The following NUP210L variants were observed in gnomAD, a reference collection of about 807,000 sequenced individuals.
NUP210L encodes nuclear pore membrane glycoprotein 210-like.
A neutral mutation model predicts 208.5 loss-of-function variants in NUP210L; 74 were observed. The observed-to-expected ratio is 0.35, with a 90% CI of 0.29 to 0.43. The LOEUF (loss-of-function observed/expected upper bound fraction) is 0.43. NUP210L is among the 20% of genes least tolerant of loss of function. NUP210L has a pLI of 1.00. For synonymous variants in NUP210L, 780 were observed against 816.9 expected, an observed-to-expected ratio of 0.95 and a Z score of 0.77; for missense variants, 1,843 against 2,289.4, an observed-to-expected ratio of 0.81 and a Z score of 3.98.
intron 15 of NUP210L, among the ~76,000 whole-genome samples, chr1:154,092,796 C>T (rs372733668): frequency 2.6e-5 from 4 of 151,966 alleles, no homozygotes; most frequent in African/African-American, 9.7e-5. Flanking sequence ...TAGATCATAG[C>T]CCACTGTAAC....
In NUP210L at chr1:154,030,059, A is replaced by AC; in HGVS notation, c.3697-6dup. On this transcript the variant is annotated splice_polypyrimidine_tract_variant and splice_region_variant and intron_variant, in intron 27 of 39. Transcript: ENST00000368559. Reference sequence around the variant, plus strand: ...TACTGGGAGCTGTAGAAAAACCTAGACAGTGAAGGGATAGATTAAGAAATA... The same window carrying AC: ...TACTGGGAGCTGTAGAAAAACCTAGACCAGTGAAGGGATAGATTAAGAAATA... 6.4e-7 allele frequency: 1 copy of AC among 1,567,082 alleles called. No individual in the cohort carries two copies. The highest frequency in any genetic ancestry group is 8.6e-7 in the Non-Finnish European group (1 of 1,164,124).
intron 37 of NUP210L, among the ~76,000 whole-genome samples, chr1:153,999,734 C>CAAA (rs1172554188): frequency 8.4e-4 from 46 of 54,534 alleles, no homozygotes; most frequent in East Asian, 4.8e-3. Flanking sequence ...AAGACTCTCT[C>CAAA]AAAAAAAAAA....
chr1:154,107,889 T>C (rs1242749403), intron 12 of NUP210L, among the ~76,000 whole-genome samples: 1 of 151,138 alleles, frequency 6.6e-6, no homozygotes, highest in African/African-American at 2.4e-5. Flanking sequence ...AGAAAGAAAA[T>C]ACAGTTAGCG....
At chr1:154,135,101 T>C (rs560691211) in intron 7 of NUP210L, among the ~76,000 whole-genome samples, 5 of 152,248 alleles carry the variant, frequency 3.3e-5, no homozygotes, top group Non-Finnish European at 7.3e-5. Flanking sequence ...AAAATTGCTC[T>C]CAACACAATA....
intron 5 of NUP210L, among the ~76,000 whole-genome samples, chr1:154,139,312 G>A (rs1301782087): frequency 6.6e-6 from 1 of 152,098 alleles, no homozygotes; most frequent in Non-Finnish European, 1.5e-5. Flanking sequence ...AAGGATTGGT[G>A]AATAAAATGT....
chr1:153,997,150 G>A (rs1180941162), intron 37 of NUP210L, among the ~76,000 whole-genome samples: 1 of 151,796 alleles, frequency 6.6e-6, no homozygotes, highest in African/African-American at 2.4e-5. Flanking sequence ...TTTTAGTAGA[G>A]ATGGGTTTTC....
At chr1:154,137,268 A>G (rs535661106) in intron 6 of NUP210L, among the ~76,000 whole-genome samples, 1 of 152,080 alleles carries the variant, frequency 6.6e-6, no homozygotes, top group African/African-American at 2.4e-5. Context: ...AACAAAAAAA[A>G]GAGGCCGGGA....
intron 2 of NUP210L, 45 bp downstream of exon 2, chr1:154,152,691 C>A: frequency 6.4e-7 from 1 of 1,558,934 alleles, no homozygotes; most frequent in Non-Finnish European, 8.8e-7. Context: ...CCAGATTATT[C>A]TACCCCAGAA....
intron 39 of NUP210L, 36 bp downstream of exon 39, chr1:153,992,979 T>G: frequency 1.9e-6 from 3 of 1,609,328 alleles, no homozygotes; most frequent in Non-Finnish European, 2.5e-6. Flanking sequence ...CGTGTGTATC[T>G]GAGCTTTTCA....
At chr1:154,127,553 CTTTTTTT>C in intron 8 of NUP210L, 136 bp from the exon 9 acceptor site, 54 of 184,252 alleles carry the variant, frequency 2.9e-4, no homozygotes, top group East Asian at 4.3e-4. Flanking sequence ...AAAGTAGGTT[CTTTTTTT>C]TTTTTTTTTT....
chr1:154,136,033 T>TATTCCTG, intron 6 of NUP210L, 61 bp from the exon 7 acceptor site: 1 of 1,125,392 alleles, frequency 8.9e-7, no homozygotes, highest in Non-Finnish European at 1.3e-6. Context: ...GATAATGATG[T>TATTCCTG]ATTCTTGATC....
At chr1:154,012,268 C>A in exon 34 of NUP210L, 1 of 1,613,720 alleles carries the variant, frequency 6.2e-7, no homozygotes, top group Non-Finnish European at 8.5e-7. Flanking sequence ...CCATTTCTGC[C>A]AGTGGTGATG....
At position 154,118,659 on chromosome 1, in the gene NUP210L, AG is replaced by A; in HGVS notation, c.1464+11del. 1 of 1,519,432 alleles carries A rather than the reference AG, an allele frequency of 6.6e-7. No homozygotes were observed. The highest frequency in any genetic ancestry group is 8.9e-7 in the Non-Finnish European group (1 of 1,128,996). 94.1% of individuals were successfully genotyped at this position (1,519,432 alleles called of 1,614,324 possible). A position where few individuals can be genotyped will look rare whatever the true frequency, so the allele number is the denominator to read the frequency against. ...GGCTTATCTCCTTGTGAAGCCTTAT[AG>A]GACACCATACCTGTACTTTATAACG... is the stretch of plus-strand genomic sequence containing the variant. On this transcript the variant is annotated intron_variant, in intron 11 of 39. Transcript: ENST00000368559.
intron 23 of NUP210L, among the ~76,000 whole-genome samples, chr1:154,056,032 C>T (rs1433555384): frequency 6.6e-6 from 1 of 152,162 alleles, no homozygotes; most frequent in Non-Finnish European, 1.5e-5. Flanking sequence ...GCACTCCAGC[C>T]TGGGCAACAG....
At chr1:154,130,720 G>A (rs1658205810) in intron 7 of NUP210L, among the ~76,000 whole-genome samples, 2 of 151,622 alleles carry the variant, frequency 1.3e-5, no homozygotes, top group East Asian at 2.0e-4. Flanking sequence ...GAGTAACTGG[G>A]ACTATAGGCC....
intron 25 of NUP210L, 108 bp downstream of exon 25, chr1:154,054,120 G>A (rs1653678152): frequency 8.7e-7 from 1 of 1,148,024 alleles, no homozygotes; most frequent in Non-Finnish European, 1.3e-6. Context: ...GCACTCTAAG[G>A]CTTTTCCTGG....
At chr1:154,097,647 A>C (rs1656240623) in intron 14 of NUP210L, among the ~76,000 whole-genome samples, 1 of 152,202 alleles carries the variant, frequency 6.6e-6, no homozygotes, top group African/African-American at 2.4e-5. Flanking sequence ...ATTTGAATGA[A>C]TAATTTATCT....
chr1:154,017,299 G>C (rs553304368), intron 33 of NUP210L, among the ~76,000 whole-genome samples: 10 of 80,786 alleles, frequency 1.2e-4, no homozygotes, highest in Non-Finnish European at 2.8e-4. Flanking sequence ...AAAAAAAAAG[G>C]GGGGGGCTCA....
chr1:154,095,022 C>T, exon 15 of NUP210L: 1 of 1,614,176 alleles, frequency 6.2e-7, no homozygotes, highest in Non-Finnish European at 8.5e-7. Context: ...CTATTCCAAT[C>T]TTCTCTGTCT....
Sources: allele counts gnomAD v4.1 joint callset (sites outside exome capture counted in the v4.1 genomes callset), GRCh38; gene constraint gnomAD v4.1.1; transcripts MANE v1.5; gene names NCBI Gene and HGNC (gene_info 2026-07-23, HGNC 2026-07-21).